Variants in EDEM3 observed in about 807,000 individuals in gnomAD.
EDEM3 encodes ER degradation-enhancing alpha-mannosidase-like protein 3.
Under a neutral mutation model 110.2 loss-of-function variants are expected in EDEM3, and 60 were observed. The observed-to-expected ratio is 0.54, with a 90% CI of 0.44 to 0.67. EDEM3 has a LOEUF of 0.67. Among genes scored for constraint, EDEM3 ranks in the 30% least tolerant of loss-of-function variants. The pLI is 0.00. For missense variants in EDEM3, 996 were observed against 1,121.0 expected, an observed-to-expected ratio of 0.89 and a Z score of 1.59; for synonymous variants, 352 against 382.9, an observed-to-expected ratio of 0.92 and a Z score of 0.94.
Position 184,719,583 on chromosome 1 carries a change from C to G in EDEM3, c.952-15G>C. The G allele has an allele frequency of 6.2e-7, 1 of 1,611,952 alleles. No homozygotes were observed. The highest frequency in any genetic ancestry group is 8.5e-7 in the Non-Finnish European group (1 of 1,179,396). ...GCATCATAGTGCTAAAAGATCACAA[C>G]ATGTGTTCATGAAAGTTAGATGAAA... On this transcript the variant is annotated splice_polypyrimidine_tract_variant and intron_variant, in intron 9 of 19. Coordinates refer to ENST00000318130, the MANE Select transcript of EDEM3 (RefSeq NM_025191.4).
At chr1:184,738,994 TG>T (rs140881491) in intron 2 of EDEM3, among the ~76,000 whole-genome samples, 10,867 of 152,034 alleles carry the variant, frequency 0.071, 450 homozygotes, top group African/African-American at 0.12. Context: ...TTACTCCATC[TG>T]GAATCTATTT....
Position 184,710,370 on chromosome 1 carries a change from CTAAT to C in EDEM3, c.1845+20_1845+23del, listed in dbSNP as rs1650157547. 4 of 1,606,746 alleles carry C rather than the reference CTAAT, an allele frequency of 2.5e-6. No homozygotes were observed. The East Asian group carries it at 9.0e-5, about 36-fold the overall frequency. On this transcript the variant is annotated intron_variant, in intron 16 of 19. Coordinates refer to ENST00000318130, the MANE Select transcript of EDEM3 (RefSeq NM_025191.4). ...AAAGAAAGCAGGGCAGAGACGGTAT[CTAAT>C]TAGTGTAGCAATGTCTTACTTGGAT... is the stretch of plus-strand genomic sequence containing the variant.
intron 7 of EDEM3, among the ~76,000 whole-genome samples, chr1:184,724,113 A>G (rs539935991): frequency 6.6e-6 from 1 of 152,148 alleles, no homozygotes; most frequent in Non-Finnish European, 1.5e-5. Flanking sequence ...GCTCACTTTC[A>G]TCTACTCTTT....
At chr1:184,706,083 C>T (rs1237611142) in intron 18 of EDEM3, among the ~76,000 whole-genome samples, 1 of 152,012 alleles carries the variant, frequency 6.6e-6, no homozygotes, top group African/African-American at 2.4e-5. Context: ...CTTACAATCA[C>T]CTAAAATATA....
intron 6 of EDEM3, among the ~76,000 whole-genome samples, chr1:184,727,246 C>T (rs534559152): frequency 2.2e-4 from 34 of 152,122 alleles, no homozygotes; most frequent in Non-Finnish European, 2.5e-4. Context: ...GCTGAGATAG[C>T]GCCACAGCAC....
intron 1 of EDEM3, among the ~76,000 whole-genome samples, chr1:184,750,575 C>T (rs927445981): frequency 6.7e-5 from 10 of 150,022 alleles, no homozygotes; most frequent in Admixed American, 4.7e-4. Context: ...TGCAGTGGCA[C>T]GATCTCAGCT....
intron 2 of EDEM3, among the ~76,000 whole-genome samples, chr1:184,738,188 G>A (rs965612132): frequency 1.3e-5 from 2 of 152,154 alleles, no homozygotes; most frequent in African/African-American, 4.8e-5. Context: ...GATAACATTA[G>A]CTAATATTTA....
In EDEM3 at chr1:184,723,737, C is replaced by A. The variant is rs777136910; in HGVS notation, c.853+14G>T. The A allele has an allele frequency of 1.3e-6, 2 of 1,568,366 alleles. No homozygotes were observed. The highest frequency in any genetic ancestry group is 1.7e-6 in the Non-Finnish European group (2 of 1,153,356). ...GGATGCAAAGGCTTGATTTAAAAAG[C>A]CTAACTTACATACCTTTTCGTACCC... On this transcript the variant is annotated intron_variant, in intron 8 of 19. Transcript: ENST00000318130.
chr1:184,706,668 A>G lies in EDEM3; in HGVS notation c.2178T>C (p.Ala726=). The G allele has an allele frequency of 1.2e-6, 2 of 1,613,118 alleles. No homozygotes were observed. The highest frequency in any genetic ancestry group is 1.7e-6 in the Non-Finnish European group (2 of 1,179,358). Residue 726 remains alanine (A), a synonymous_variant, in exon 18 of 20, where the codon GCT becomes GCC. Coordinates refer to ENST00000318130, the MANE Select transcript of EDEM3 (RefSeq NM_025191.4). The part of the protein sequence containing the change: ...FAEKARNIQN[A]GAIGGIVIDD... ...CAATAACAATGCCACCAATGGCTCC[A>G]GCATTCTGGATGTTGCGTGCCTTTT...
chr1:184,741,798 T>A (rs1203134761), intron 2 of EDEM3, among the ~76,000 whole-genome samples: 1 of 152,242 alleles, frequency 6.6e-6, no homozygotes, highest in Non-Finnish European at 1.5e-5. Flanking sequence ...TGGGTTAGGC[T>A]GTCTTTTGCC....
chr1:184,732,739 C>T, intron 6 of EDEM3, 98 bp downstream of exon 6: 2 of 1,236,482 alleles, frequency 1.6e-6, no homozygotes, highest in Non-Finnish European at 2.2e-6. Flanking sequence ...TTTTTTCAGC[C>T]TCAAGCTGGT....
intron 2 of EDEM3, among the ~76,000 whole-genome samples, chr1:184,744,431 G>A (rs904319489): frequency 4.6e-4 from 70 of 151,504 alleles, no homozygotes; most frequent in African/African-American, 1.6e-3. Context: ...CAAGTGGAAG[G>A]ACACAGAATA....
At chr1:184,702,776 G>A (rs1448153732) in intron 19 of EDEM3, 35 bp downstream of exon 19, 5 of 1,438,942 alleles carry the variant, frequency 3.5e-6, no homozygotes, top group East Asian at 2.6e-5. Context: ...TTAATATTAC[G>A]CTGCATAAAA....
intron 2 of EDEM3, among the ~76,000 whole-genome samples, chr1:184,741,893 C>T (rs924789997): frequency 3.3e-5 from 5 of 152,144 alleles, no homozygotes; most frequent in African/African-American, 4.8e-5. Context: ...GTTCTATACT[C>T]TTCTTGCATT....
intron 4 of EDEM3, among the ~76,000 whole-genome samples, chr1:184,734,956 G>T (rs923555272): frequency 2.6e-5 from 4 of 152,084 alleles, no homozygotes; most frequent in African/African-American, 9.7e-5. Flanking sequence ...GTAGAATTTG[G>T]CTTCTAAGTC....
chr1:184,739,189 AT>A (rs1222171549), intron 2 of EDEM3, among the ~76,000 whole-genome samples: 5 of 150,988 alleles, frequency 3.3e-5, no homozygotes, highest in African/African-American at 1.2e-4. Flanking sequence ...CTATTTGCCT[AT>A]TCCTACTCCA....
chr1:184,751,817 G>A (rs1195709350), intron 1 of EDEM3, among the ~76,000 whole-genome samples: 2 of 152,074 alleles, frequency 1.3e-5, no homozygotes, highest in South Asian at 2.1e-4. Context: ...GCAATGGCAC[G>A]ATCTCTGCTC....
chr1:184,734,673 C>A (rs1651726507), intron 4 of EDEM3, 30 bp from the exon 5 acceptor site: 2 of 901,412 alleles, frequency 2.2e-6, no homozygotes, highest in East Asian at 2.9e-5. Context: ...AAATAAAGTT[C>A]TTTTCTACCA....
intron 6 of EDEM3, among the ~76,000 whole-genome samples, chr1:184,731,549 C>T (rs561359512): frequency 1.3e-5 from 2 of 152,286 alleles, no homozygotes; most frequent in South Asian, 4.1e-4. Flanking sequence ...CACGGTTCTC[C>T]TCTTAAATCT....
Sources: gnomAD v4.1 joint callset for allele counts (sites outside exome capture counted in the v4.1 genomes callset) on GRCh38, gnomAD v4.1.1 for gene constraint, MANE v1.5 for transcripts, NCBI Gene and HGNC (gene_info 2026-07-23, HGNC 2026-07-21) for gene names.